UNC5D: variants seen among roughly 807,000 people sequenced by gnomAD.
The protein encoded by UNC5D is netrin receptor UNC5D.
In UNC5D, 39 loss-of-function variants were observed where a neutral mutation model predicts 105.4. That is an observed-to-expected ratio of 0.37 (90% CI 0.29 to 0.48). The LOEUF is 0.48. Ranked by LOEUF, UNC5D falls within the 20% of genes least tolerant of loss-of-function variation. The pLI, the probability that UNC5D is intolerant of heterozygous loss-of-function variation, is 0.98. For missense variants in UNC5D, 991 were observed against 1,202.4 expected, an observed-to-expected ratio of 0.82 and a Z score of 2.60; for synonymous variants, 452 against 450.4, an observed-to-expected ratio of 1.00 and a Z score of -0.04.
chr8:35,541,411 C>G (rs1400685667), intron 1 of UNC5D, among the ~76,000 whole-genome samples: 1 of 152,194 alleles, frequency 6.6e-6, no homozygotes, highest in African/African-American at 2.4e-5. Context: ...AATGTGCATT[C>G]TAATGAAGAT....
chr8:35,740,640 C>G (rs1051382131), intron 11 of UNC5D, among the ~76,000 whole-genome samples: 2 of 152,182 alleles, frequency 1.3e-5, no homozygotes, highest in South Asian at 4.1e-4. Context: ...TGAGTGCAGT[C>G]TTAATTCCCA....
chr8:35,517,912 G>C (rs1240773296), intron 1 of UNC5D, among the ~76,000 whole-genome samples: 2 of 152,078 alleles, frequency 1.3e-5, no homozygotes, highest in Non-Finnish European at 2.9e-5. Flanking sequence ...ATAGTGGAAG[G>C]AACAAGGGAT....
At chr8:35,329,614 A>G (rs1044406225) in intron 1 of UNC5D, among the ~76,000 whole-genome samples, 1 of 151,956 alleles carries the variant, frequency 6.6e-6, no homozygotes, top group East Asian at 1.9e-4. Flanking sequence ...ACTCCTTTCC[A>G]TGTATTAGGC....
At chr8:35,549,136 G>T (rs1156573251) in intron 1 of UNC5D, among the ~76,000 whole-genome samples, 156 bp from the exon 2 acceptor site, 1 of 151,916 alleles carries the variant, frequency 6.6e-6, no homozygotes, top group Admixed American at 6.6e-5. Context: ...GCTTCTAGAA[G>T]ATAATTCATC....
chr8:35,755,593 A>G (rs1288909747), intron 13 of UNC5D, among the ~76,000 whole-genome samples: 1 of 152,142 alleles, frequency 6.6e-6, no homozygotes, highest in African/African-American at 2.4e-5. Flanking sequence ...GTCTGATTAA[A>G]TCAACATAAA....
At chr8:35,745,305 G>A (rs1728577623) in intron 11 of UNC5D, among the ~76,000 whole-genome samples, 2 of 152,146 alleles carry the variant, frequency 1.3e-5, no homozygotes, top group Non-Finnish European at 2.9e-5. Flanking sequence ...TCATGTGGAT[G>A]TCTAGGGGAA....
chr8:35,713,641 A>G (rs1828088160), intron 8 of UNC5D, among the ~76,000 whole-genome samples: 1 of 152,228 alleles, frequency 6.6e-6, no homozygotes, highest in Non-Finnish European at 1.5e-5. Flanking sequence ...TGGCTAGCTT[A>G]CTAAAAGGAG....
At chr8:35,448,533 T>C (rs142103749) in intron 1 of UNC5D, among the ~76,000 whole-genome samples, 16 of 152,186 alleles carry the variant, frequency 1.1e-4, no homozygotes, top group Non-Finnish European at 2.1e-4. Context: ...TGGGAGTGAT[T>C]AGATATTCAA....
chr8:35,324,623 G>A (rs367778263), intron 1 of UNC5D, among the ~76,000 whole-genome samples: 2 of 151,966 alleles, frequency 1.3e-5, no homozygotes, highest in Admixed American at 6.6e-5. Context: ...TGGTGTTTGC[G>A]GTTCCTGAAT....
chr8:35,399,094 G>A (rs116847866), intron 1 of UNC5D, among the ~76,000 whole-genome samples: 4,432 of 143,472 alleles, frequency 0.031, 87 homozygotes, highest in Non-Finnish European at 0.044. Flanking sequence ...GCAGTGGGGC[G>A]AGATGACACG....
chr8:35,594,105 G>T (rs1222003079), intron 3 of UNC5D, among the ~76,000 whole-genome samples: 1 of 152,112 alleles, frequency 6.6e-6, no homozygotes, highest in Non-Finnish European at 1.5e-5. Flanking sequence ...TAAAACTCAG[G>T]GGACAGCAGA....
chr8:35,327,074 T>C (rs749401430), intron 1 of UNC5D, among the ~76,000 whole-genome samples: 1 of 152,186 alleles, frequency 6.6e-6, no homozygotes. Context: ...TATATTTCTA[T>C]GAAATGCAAA....
intron 1 of UNC5D, among the ~76,000 whole-genome samples, chr8:35,502,024 A>C (rs1322767217): frequency 6.6e-6 from 1 of 152,248 alleles, no homozygotes; most frequent in African/African-American, 2.4e-5. Context: ...AAGAGACTAC[A>C]AAAGGGATGA....
chr8:35,267,143 C>A (rs1804936797), intron 1 of UNC5D, among the ~76,000 whole-genome samples: 1 of 149,624 alleles, frequency 6.7e-6, no homozygotes, highest in Non-Finnish European at 1.5e-5. Flanking sequence ...TATATACCCA[C>A]TGTAAGCAAT....
chr8:35,589,188 TACTCC>T (rs1207960361), intron 3 of UNC5D, among the ~76,000 whole-genome samples: 2 of 152,234 alleles, frequency 1.3e-5, no homozygotes, highest in South Asian at 2.1e-4. Context: ...AGAGATCATG[TACTCC>T]ACTCTATTTT....
At chr8:35,526,742 T>TC (rs1813904773) in intron 1 of UNC5D, among the ~76,000 whole-genome samples, 1 of 152,050 alleles carries the variant, frequency 6.6e-6, no homozygotes, top group Admixed American at 6.5e-5. Flanking sequence ...TACATGCTTA[T>TC]CTCATATATG....
intron 2 of UNC5D, among the ~76,000 whole-genome samples, chr8:35,565,357 T>C: frequency 6.6e-6 from 1 of 152,174 alleles, no homozygotes; most frequent in East Asian, 1.9e-4. Flanking sequence ...AGCATTTTTT[T>C]CTATCTTTGT....
intron 1 of UNC5D, among the ~76,000 whole-genome samples, chr8:35,407,421 GCAGA>G (rs982232316): frequency 3.9e-5 from 6 of 152,044 alleles, no homozygotes; most frequent in Non-Finnish European, 7.4e-5. Context: ...TTTTGCAAAA[GCAGA>G]CAGACAGACA....
intron 4 of UNC5D, among the ~76,000 whole-genome samples, chr8:35,621,062 C>T (rs1173379147): frequency 6.6e-6 from 1 of 152,140 alleles, no homozygotes; most frequent in Non-Finnish European, 1.5e-5. Context: ...ACCCTACTTT[C>T]CCCCACTGGC....
Sources: allele counts gnomAD v4.1 joint callset (sites outside exome capture counted in the v4.1 genomes callset), GRCh38; gene constraint gnomAD v4.1.1; transcripts MANE v1.5; gene names NCBI Gene and HGNC (gene_info 2026-07-23, HGNC 2026-07-21).